GLDC: variants seen among roughly 807,000 people sequenced by gnomAD.
GLDC encodes the protein glycine dehydrogenase (decarboxylating), mitochondrial.
Under a neutral mutation model 121.3 loss-of-function variants are expected in GLDC, and 104 were observed. That is an observed-to-expected ratio of 0.86 (90% CI 0.73 to 1.01). GLDC has a LOEUF of 1.01. GLDC is among the 50% of genes least tolerant of loss of function. The pLI, the probability that GLDC is intolerant of heterozygous loss-of-function variation, is 0.00. For synonymous variants in GLDC, 546 were observed against 480.6 expected (o/e 1.14, Z -1.78); for missense variants, 1,429 against 1,306.6 (o/e 1.09, Z -1.44).
At chr9:6,565,010 C>A (rs752493305) in intron 16 of GLDC, among the ~76,000 whole-genome samples, 1 of 152,200 alleles carries the variant, frequency 6.6e-6, no homozygotes, top group Non-Finnish European at 1.5e-5. Flanking sequence ...TTCATCCAGG[C>A]CCAGGGCCGG....
chr9:6,611,425 A>G (rs7021520), intron 3 of GLDC, among the ~76,000 whole-genome samples: 64,687 of 151,870 alleles, frequency 0.43, 14,352 homozygotes, highest in South Asian at 0.56. Context: ...GCGTGGTGGC[A>G]CGTGCCTGTA....
intron 21 of GLDC, among the ~76,000 whole-genome samples, chr9:6,544,475 C>A (rs1817342367): frequency 1.3e-5 from 2 of 152,064 alleles, no homozygotes; most frequent in Admixed American, 1.3e-4. Context: ...GAAACCTCGT[C>A]TATACTGAAA....
chr9:6,558,519 C>G, intron 17 of GLDC, 40 bp downstream of exon 17: 1 of 1,611,622 alleles, frequency 6.2e-7, no homozygotes, highest in Middle Eastern at 1.7e-4. Flanking sequence ...CAGCACTCCC[C>G]ATCCCGGCCT....
intron 1 of GLDC, among the ~76,000 whole-genome samples, chr9:6,645,003 G>C (rs1819711322): frequency 6.7e-6 from 1 of 148,284 alleles, no homozygotes; most frequent in East Asian, 1.9e-4. Flanking sequence ...TTGGGCTGGG[G>C]GTGGTTTAAA....
intron 2 of GLDC, among the ~76,000 whole-genome samples, chr9:6,621,675 A>T (rs1352672880): frequency 6.6e-6 from 1 of 151,860 alleles, no homozygotes. Context: ...ACATCACCAC[A>T]CCTGGCTAAT....
At chr9:6,619,481 A>C (rs1009807176) in intron 3 of GLDC, among the ~76,000 whole-genome samples, 15 of 152,158 alleles carry the variant, frequency 9.9e-5, no homozygotes, top group African/African-American at 3.4e-4. Flanking sequence ...TAATCCCAGC[A>C]CTTTGGGAGG....
chr9:6,600,257 A>G (rs1818578296), intron 8 of GLDC, among the ~76,000 whole-genome samples: 1 of 152,080 alleles, frequency 6.6e-6, no homozygotes, highest in Non-Finnish European at 1.5e-5. Flanking sequence ...AGTCCCAGCT[A>G]CTTAGGAGGC....
intron 4 of GLDC, among the ~76,000 whole-genome samples, chr9:6,607,842 G>A (rs954789326): frequency 6.6e-6 from 1 of 151,814 alleles, no homozygotes. Context: ...AATAAAATTG[G>A]CCGGTCATGG....
chr9:6,620,417 G>C (rs767871685), intron 2 of GLDC, 98 bp from the exon 3 acceptor site: 77 of 1,022,748 alleles, frequency 7.5e-5, no homozygotes, highest in Non-Finnish European at 1.2e-4. Context: ...ATTTATGACA[G>C]AATAACTATA....
At chr9:6,536,751 A>T (rs1817137140) in intron 22 of GLDC, among the ~76,000 whole-genome samples, 1 of 152,230 alleles carries the variant, frequency 6.6e-6, no homozygotes, top group Non-Finnish European at 1.5e-5. Context: ...ATTAAGAGAA[A>T]TAAAAATATT....
At position 6,593,871 on chromosome 9, in the gene GLDC, T is replaced by C. The variant is rs145244824; in HGVS notation, c.1262-881A>G. Among the ~76,000 whole-genome samples, 4 of 151,900 alleles carry C rather than the reference T, an allele frequency of 2.6e-5. No homozygotes were observed. In the East Asian group the frequency reaches 7.8e-4, roughly 30 times the overall value. Reference sequence around the variant, plus strand: ...CCACTCCCAGCTGATTTTTGTATTTTTAGTAGAGACAGGGTTTCACCATGT... The same window carrying C: ...CCACTCCCAGCTGATTTTTGTATTTCTAGTAGAGACAGGGTTTCACCATGT... On this transcript the variant is annotated intron_variant, in intron 9 of 24. Coordinates refer to ENST00000321612, the MANE Select transcript of GLDC (RefSeq NM_000170.3).
At chr9:6,626,167 G>T (rs908218493) in intron 2 of GLDC, among the ~76,000 whole-genome samples, 2 of 151,780 alleles carry the variant, frequency 1.3e-5, no homozygotes, top group Non-Finnish European at 2.9e-5. Flanking sequence ...AGCCCTAGCT[G>T]TTATGTTAAT....
intron 2 of GLDC, chr9:6,644,389 C>A: frequency 1.7e-6 from 1 of 601,324 alleles, no homozygotes; most frequent in Non-Finnish European, 3.0e-6. Context: ...AGGATAAAGA[C>A]CAAGAACCGC....
At chr9:6,599,683 T>G (rs1270763975) in intron 8 of GLDC, among the ~76,000 whole-genome samples, 1 of 146,228 alleles carries the variant, frequency 6.8e-6, no homozygotes, top group Non-Finnish European at 1.5e-5. Flanking sequence ...ATTGGGCCGC[T>G]GCATGCCAGC....
At chr9:6,639,137 C>A in intron 2 of GLDC, 1 of 742,446 alleles carries the variant, frequency 1.3e-6, no homozygotes, top group Admixed American at 1.9e-5. Context: ...AGCTTTTTCA[C>A]AAGATGGCGC....
At chr9:6,620,899 G>A (rs1819078056) in intron 2 of GLDC, among the ~76,000 whole-genome samples, 1 of 152,190 alleles carries the variant, frequency 6.6e-6, no homozygotes, top group Non-Finnish European at 1.5e-5. Context: ...TGTGAACAGT[G>A]GCTCACACCT....
Position 6,605,151 on chromosome 9 carries a change from C to A in GLDC, c.841G>T (p.Glu281Ter). The change falls in exon 6 of 25, where the codon GAG (glutamate) becomes TAG (stop). Residue 281 changes from glutamate (E) to a stop codon, truncating the protein, a stop_gained. Coordinates refer to ENST00000321612, the MANE Select transcript of GLDC (RefSeq NM_000170.3). LOFTEE classifies it high-confidence loss of function. ...GKVEDFTELVERAHQSGSLAC... is the reference protein window; with the variant it reads ...GKVEDFTELV The stretch of plus-strand genomic sequence containing the variant: ...CCTACCCCACTCTGATGAGCTCTCT[C>A]CACGAGTTCCGTAAAGTCTTCCACC... 1.2e-6 allele frequency: 2 copies of A among 1,612,870 alleles called. No homozygotes were observed. Among genetic ancestry groups the A allele is most frequent in the Non-Finnish European group, 1.7e-6 (2 of 1,179,972 alleles).
chr9:6,613,302 T>A (rs1818898602), intron 3 of GLDC, among the ~76,000 whole-genome samples: 1 of 152,180 alleles, frequency 6.6e-6, no homozygotes, highest in Non-Finnish European at 1.5e-5. Flanking sequence ...TTTTTTCCAA[T>A]CTCTTTTCTA....
chr9:6,598,480 G>C (rs1329738723), intron 8 of GLDC, among the ~76,000 whole-genome samples: 1 of 152,142 alleles, frequency 6.6e-6, no homozygotes, highest in African/African-American at 2.4e-5. Flanking sequence ...AACTAAGAGT[G>C]GACTCCCCCA....
Sources: allele counts gnomAD v4.1 joint callset (sites outside exome capture counted in the v4.1 genomes callset), GRCh38; gene constraint gnomAD v4.1.1; transcripts MANE v1.5; gene names NCBI Gene and HGNC (gene_info 2026-07-23, HGNC 2026-07-21).